The following NXPH1 variants were observed in gnomAD, a reference collection of about 807,000 sequenced individuals.
The protein encoded by NXPH1 is neurexophilin 1, also known as neurexophilin-1.
A neutral mutation model predicts 23.7 loss-of-function variants in NXPH1; 5 were observed. That is an observed-to-expected ratio of 0.21 (90% CI 0.11 to 0.44). The LOEUF (loss-of-function observed/expected upper bound fraction) is 0.44. NXPH1 is among the 20% of genes least tolerant of loss of function. NXPH1 has a pLI of 0.99. For synonymous variants in NXPH1, 144 were observed against 122.2 expected, an observed-to-expected ratio of 1.18 and a Z score of -1.18; for missense variants, 324 against 321.6, an observed-to-expected ratio of 1.01 and a Z score of -0.06.
At chr7:8,539,181 C>A (rs906322329) in intron 2 of NXPH1, among the ~76,000 whole-genome samples, 4 of 151,702 alleles carry the variant, frequency 2.6e-5, no homozygotes, top group African/African-American at 9.7e-5. Context: ...GATGGTGGTG[C>A]TGAAGAAAAG....
At chr7:8,731,066 C>G (rs774526521) in intron 2 of NXPH1, among the ~76,000 whole-genome samples, 13 of 149,978 alleles carry the variant, frequency 8.7e-5, no homozygotes, top group South Asian at 2.1e-4. Flanking sequence ...CTCTAAACTT[C>G]CCTTCTCGCT....
chr7:8,517,950 G>A (rs761823165), intron 2 of NXPH1, among the ~76,000 whole-genome samples: 4 of 152,084 alleles, frequency 2.6e-5, no homozygotes, highest in Non-Finnish European at 5.9e-5. Flanking sequence ...TTGATGTCCT[G>A]AAGCAGTTTC....
intron 2 of NXPH1, among the ~76,000 whole-genome samples, chr7:8,718,916 G>T: frequency 6.6e-6 from 1 of 152,086 alleles, no homozygotes; most frequent in East Asian, 1.9e-4. Context: ...GAGGAAGCAG[G>T]GTACAGTCTG....
intron 2 of NXPH1, among the ~76,000 whole-genome samples, chr7:8,453,226 A>G (rs1349833710): frequency 6.6e-6 from 1 of 152,184 alleles, no homozygotes; most frequent in East Asian, 1.9e-4. Context: ...AGAAACTGTC[A>G]TCATAAACGT....
At chr7:8,589,939 G>A (rs1432890118) in intron 2 of NXPH1, among the ~76,000 whole-genome samples, 1 of 152,036 alleles carries the variant, frequency 6.6e-6, no homozygotes, top group Non-Finnish European at 1.5e-5. Context: ...AATCTCATTA[G>A]CCACATTTCA....
chr7:8,606,291 T>C (rs899554234), intron 2 of NXPH1, among the ~76,000 whole-genome samples: 1 of 152,092 alleles, frequency 6.6e-6, no homozygotes, highest in Non-Finnish European at 1.5e-5. Context: ...AAAAATATGT[T>C]TTATGGAAAA....
intron 2 of NXPH1, among the ~76,000 whole-genome samples, chr7:8,720,564 A>G (rs1316279409): frequency 6.6e-5 from 10 of 152,272 alleles, no homozygotes; most frequent in Admixed American, 6.5e-4. Flanking sequence ...TGGATTTTAA[A>G]AAACATTAGC....
intron 2 of NXPH1, among the ~76,000 whole-genome samples, chr7:8,673,548 C>T (rs572825555): frequency 2.6e-5 from 4 of 152,208 alleles, no homozygotes; most frequent in Non-Finnish European, 5.9e-5. Flanking sequence ...GGTTTGTATT[C>T]CAACTTTATT....
intron 2 of NXPH1, among the ~76,000 whole-genome samples, chr7:8,575,395 C>T (rs1401374849): frequency 2.0e-5 from 3 of 152,212 alleles, no homozygotes; most frequent in African/African-American, 4.8e-5. Context: ...GAAGAAAACT[C>T]ATTAAAATTC....
chr7:8,469,488 T>C (rs1816836443), intron 2 of NXPH1, among the ~76,000 whole-genome samples: 1 of 152,106 alleles, frequency 6.6e-6, no homozygotes. Flanking sequence ...ATATGTGCTC[T>C]CAGTTTCTTT....
chr7:8,554,935 A>T (rs1818333024), intron 2 of NXPH1, among the ~76,000 whole-genome samples: 1 of 151,848 alleles, frequency 6.6e-6, no homozygotes, highest in South Asian at 2.1e-4. Context: ...GGAAATTGCC[A>T]TGACGTCTTG....
chr7:8,614,120 A>AT (rs1156980707), intron 2 of NXPH1, among the ~76,000 whole-genome samples: 149 of 152,020 alleles, frequency 9.8e-4, no homozygotes, highest in African/African-American at 3.2e-3. Flanking sequence ...AGATTTATTT[A>AT]TAATTATTGC....
chr7:8,732,689 A>G (rs1179583006), intron 2 of NXPH1, among the ~76,000 whole-genome samples: 1 of 152,110 alleles, frequency 6.6e-6, no homozygotes, highest in East Asian at 1.9e-4. Context: ...TCCTTAGATG[A>G]GATACGCCTT....
chr7:8,456,937 T>C (rs1179528364), intron 2 of NXPH1, among the ~76,000 whole-genome samples: 1 of 152,202 alleles, frequency 6.6e-6, no homozygotes, highest in Non-Finnish European at 1.5e-5. Context: ...ATAAGGTCTC[T>C]AACTCTCTAT....
chr7:8,632,616 T>C (rs1820153275), intron 2 of NXPH1, among the ~76,000 whole-genome samples: 1 of 152,328 alleles, frequency 6.6e-6, no homozygotes. Context: ...TATCGCCTTA[T>C]GATTCTTCTG....
At chr7:8,624,513 G>A (rs1819946503) in intron 2 of NXPH1, among the ~76,000 whole-genome samples, 1 of 152,044 alleles carries the variant, frequency 6.6e-6, no homozygotes, top group Admixed American at 6.6e-5. Context: ...TTAGGTGGTG[G>A]AAAGAAAAAG....
At chr7:8,535,303 T>C (rs1194616834) in intron 2 of NXPH1, among the ~76,000 whole-genome samples, 2 of 152,190 alleles carry the variant, frequency 1.3e-5, no homozygotes, top group African/African-American at 4.8e-5. Flanking sequence ...TGGGGACAAA[T>C]TTAGAGATAC....
At chr7:8,462,596 T>G (rs979703679) in intron 2 of NXPH1, among the ~76,000 whole-genome samples, 1 of 152,214 alleles carries the variant, frequency 6.6e-6, no homozygotes, top group African/African-American at 2.4e-5. Flanking sequence ...TCTTAACTGC[T>G]AAGCTATGCT....
chr7:8,520,273 T>A (rs984027359), intron 2 of NXPH1, among the ~76,000 whole-genome samples: 1 of 152,196 alleles, frequency 6.6e-6, no homozygotes, highest in Non-Finnish European at 1.5e-5. Flanking sequence ...TGCAAGTCAC[T>A]GTCTGACTTT....
Sources: gnomAD v4.1 joint callset for allele counts (sites outside exome capture counted in the v4.1 genomes callset) on GRCh38, gnomAD v4.1.1 for gene constraint, MANE v1.5 for transcripts, NCBI Gene and HGNC (gene_info 2026-07-23, HGNC 2026-07-21) for gene names.